The following RXFP2 variants were observed in gnomAD, a reference collection of about 807,000 sequenced individuals.
RXFP2 encodes relaxin family peptide receptor 2.
In RXFP2, 68 loss-of-function variants were observed where a neutral mutation model predicts 88.6. The ratio of observed to expected loss-of-function variants is 0.77; its 90% CI spans 0.63 to 0.94. The LOEUF (loss-of-function observed/expected upper bound fraction) is 0.94. RXFP2 is among the 40% of genes least tolerant of loss of function. The pLI is 0.00. For missense variants in RXFP2, 791 were observed against 893.9 expected, an observed-to-expected ratio of 0.88 and a Z score of 1.47; for synonymous variants, 329 against 306.8, an observed-to-expected ratio of 1.07 and a Z score of -0.76.
intron 2 of RXFP2, among the ~76,000 whole-genome samples, chr13:31,758,836 G>A (rs952591485): frequency 3.4e-4 from 52 of 152,126 alleles, no homozygotes; most frequent in African/African-American, 9.6e-4. Flanking sequence ...TCAGGAGTTC[G>A]AGATCAGCCT....
At chr13:31,789,229 T>C (rs1593468900) in intron 14 of RXFP2, 36 bp downstream of exon 14, 1 of 1,309,388 alleles carries the variant, frequency 7.6e-7, no homozygotes, top group Non-Finnish European at 1.1e-6. Context: ...GGAAGCATGG[T>C]AAAATGCTTC....
At chr13:31,779,646 G>C (rs865854799) in intron 9 of RXFP2, among the ~76,000 whole-genome samples, 21 of 152,076 alleles carry the variant, frequency 1.4e-4, no homozygotes, top group Admixed American at 7.2e-4. Flanking sequence ...CAACAACCAG[G>C]ATTGTCATGT....
intron 1 of RXFP2, 98 bp from the exon 2 acceptor site, chr13:31,758,160 T>C: frequency 8.5e-7 from 1 of 1,177,428 alleles, no homozygotes; most frequent in Non-Finnish European, 1.3e-6. Context: ...TAATACCAGA[T>C]GAACTCAACT....
intron 13 of RXFP2, among the ~76,000 whole-genome samples, chr13:31,788,859 C>T (rs1873668499): frequency 6.6e-6 from 1 of 152,074 alleles, no homozygotes; most frequent in Admixed American, 6.5e-5. Flanking sequence ...CACAAATCAC[C>T]ACTGCCATTC....
intron 5 of RXFP2, among the ~76,000 whole-genome samples, chr13:31,774,125 A>G (rs1234964599): frequency 1.3e-5 from 2 of 152,208 alleles, no homozygotes; most frequent in Non-Finnish European, 2.9e-5. Context: ...TATCCTGAGT[A>G]CCTAACTTGC....
chr13:31,769,636 T>C (rs183661554), intron 5 of RXFP2, among the ~76,000 whole-genome samples: 1 of 152,342 alleles, frequency 6.6e-6, no homozygotes, highest in Admixed American at 6.5e-5. Context: ...TTCTGCACTC[T>C]ATGTGCCCTA....
Position 31,797,324 on chromosome 13 carries a change from C to T in RXFP2, c.1910C>T (p.Ala637Val). 3 of 1,614,070 alleles carry T rather than the reference C, an allele frequency of 1.9e-6. No individual in the cohort carries two copies. Among genetic ancestry groups the T allele is most frequent in the Non-Finnish European group, 2.5e-6 (3 of 1,179,958 alleles). ...TGTTTTGGAAGAGAGGTGGCTGTTGCAAATCGTTTCTTTTTTATAGTGTTC... is the reference window on the plus strand; with the variant it reads ...TGTTTTGGAAGAGAGGTGGCTGTTGTAAATCGTTTCTTTTTTATAGTGTTC... ...RNCFGREVAV[A>V]NRFFFIVFSD... Residue 637 changes from alanine to valine, a missense_variant, in exon 17 of 18, where the codon GCA becomes GTA. Physicochemically the swap from Ala to Val is moderately conservative, Grantham distance 64. Coordinates refer to ENST00000298386, the MANE Select transcript of RXFP2 (RefSeq NM_130806.5).
intron 7 of RXFP2, among the ~76,000 whole-genome samples, chr13:31,776,096 C>CT (rs5802616): frequency 5.3e-5 from 7 of 131,184 alleles, no homozygotes; most frequent in Non-Finnish European, 1.6e-5. Flanking sequence ...TTCTTTCTTT[C>CT]TTTTCTTTTC....
chr13:31,792,692 A>G lies in RXFP2; in HGVS notation c.1390A>G (p.Met464Val), dbSNP rs2138458819. Residue 464 changes from methionine (M) to valine (V), a missense_variant, in exon 16 of 18, where the codon ATG becomes GTG. Met to Val is a conservative substitution (Grantham distance 21). Coordinates refer to ENST00000298386, the MANE Select transcript of RXFP2 (RefSeq NM_130806.5). ...IKILCCADCLMGVYLFFVGIF... is the reference protein window; with the variant it reads ...IKILCCADCLVGVYLFFVGIF... ...TTCTTCCACAGGTGCTGATTGCCTG[A>G]TGGGTGTTTACTTGTTCTTTGTTGG... The G allele has an allele frequency of 1.9e-6, 3 of 1,614,150 alleles. No individual in the cohort carries two copies. In the East Asian group the frequency reaches 6.7e-5, roughly 36 times the overall value.
At chr13:31,753,370 A>G (rs772386472) in intron 1 of RXFP2, among the ~76,000 whole-genome samples, 1 of 152,124 alleles carries the variant, frequency 6.6e-6, no homozygotes, top group South Asian at 2.1e-4. Flanking sequence ...TGGCACAGAC[A>G]CGTCCAGAAT....
chr13:31,800,435 G>A (rs1050333533), intron 17 of RXFP2, among the ~76,000 whole-genome samples: 1 of 152,194 alleles, frequency 6.6e-6, no homozygotes, highest in African/African-American at 2.4e-5. Flanking sequence ...AGCCGGGCAT[G>A]GTGGCAGGTG....
At chr13:31,747,329 A>T (rs1481495570) in intron 1 of RXFP2, among the ~76,000 whole-genome samples, 3 of 151,960 alleles carry the variant, frequency 2.0e-5, no homozygotes, top group Non-Finnish European at 2.9e-5. Flanking sequence ...AAAATGGCTT[A>T]AAAAAAACAG....
chr13:31,778,675 A>G (rs1873112473), intron 9 of RXFP2, 92 bp downstream of exon 9: 1 of 940,408 alleles, frequency 1.1e-6, no homozygotes, highest in South Asian at 1.3e-5. Flanking sequence ...AAGTCCATCT[A>G]TAATTTCTTT....
intron 16 of RXFP2, among the ~76,000 whole-genome samples, chr13:31,795,901 T>C (rs1190324129): frequency 1.3e-5 from 2 of 152,206 alleles, no homozygotes; most frequent in Admixed American, 1.3e-4. Flanking sequence ...AAAAGAATAA[T>C]TCACATAGTT....
At chr13:31,784,860 C>T (rs563404456) in intron 11 of RXFP2, among the ~76,000 whole-genome samples, 23 of 152,298 alleles carry the variant, frequency 1.5e-4, no homozygotes, top group Admixed American at 7.2e-4. Context: ...CTGAGCCCTG[C>T]TGCTGTCCCC....
Position 31,802,752 on chromosome 13 carries a change from C to A in RXFP2, c.*347C>A. 4.1e-6 allele frequency: 1 copy of A among 245,432 alleles called. No individual in the cohort carries two copies. The highest frequency in any genetic ancestry group is 8.0e-6 in the Non-Finnish European group (1 of 124,260). The allele number at this position is 245,432 out of a possible 1,614,324, so 15.2% of individuals were successfully genotyped here. A position where few individuals can be genotyped will look rare whatever the true frequency, so the allele number is the denominator to read the frequency against. On this transcript the variant is annotated 3_prime_UTR_variant, in exon 18 of 18. Transcript: ENST00000298386. ...GGTCTTTCACATCGGGTTGCACTGT[C>A]CATGAAATAGAAACACTCACAACAT...
chr13:31,759,422 A>AAAGAAAGAAAGAAAGAAGG (rs1566218540), intron 2 of RXFP2, among the ~76,000 whole-genome samples: 2 of 150,368 alleles, frequency 1.3e-5, no homozygotes, highest in Non-Finnish European at 1.5e-5. Context: ...AGAAAGAAAG[A>AAAGAAAGAAAGAAAGAAGG]AAGAAAGAAA....
intron 15 of RXFP2, among the ~76,000 whole-genome samples, chr13:31,792,365 A>G (rs1213448671): frequency 1.3e-5 from 2 of 152,226 alleles, no homozygotes; most frequent in Non-Finnish European, 2.9e-5. Context: ...GGCCTGGAAA[A>G]TGATTCCCTT....
At chr13:31,773,119 A>G (rs1202834392) in intron 5 of RXFP2, among the ~76,000 whole-genome samples, 1 of 152,210 alleles carries the variant, frequency 6.6e-6, no homozygotes, top group Non-Finnish European at 1.5e-5. Flanking sequence ...TAAAACAGAT[A>G]TTGATCTGTG....
Sources: gnomAD v4.1 joint callset for allele counts (sites outside exome capture counted in the v4.1 genomes callset) on GRCh38, gnomAD v4.1.1 for gene constraint, MANE v1.5 for transcripts, NCBI Gene and HGNC (gene_info 2026-07-23, HGNC 2026-07-21) for gene names.